The following ZFHX2 variants were observed in gnomAD, a reference collection of about 807,000 sequenced individuals.
ZFHX2 encodes the protein zinc finger homeobox protein 2.
A neutral mutation model predicts 164.8 loss-of-function variants in ZFHX2; 75 were observed. The observed-to-expected ratio is 0.46, with a 90% CI of 0.38 to 0.55. The LOEUF is 0.55. ZFHX2 is among the 20% of genes least tolerant of loss of function. ZFHX2 has a pLI of 0.00. For missense variants in ZFHX2, 2,933 were observed against 3,308.0 expected (o/e 0.89, Z 2.78); for synonymous variants, 1,217 against 1,351.4 (o/e 0.90, Z 2.18).
At position 23,523,537 on chromosome 14, in the gene ZFHX2, G is replaced by A; in HGVS notation, c.6405C>T (p.Gly2135=). ...GGGCTGCTAAGAGGCCCTCACTGCT[G>A]CCCCCAGTGCTCCCAGCGGCTGTCC... The part of the protein sequence containing the change: ...LQGTAAGSTG[G]SSEGLLAAQR... The change falls in exon 9 of 10, where the codon GGC becomes GGT. Residue 2135 remains glycine, a synonymous_variant. Coordinates refer to ENST00000419474, the MANE Select transcript of ZFHX2 (RefSeq NM_033400.3). This position sits in a 1 kb window ranked among gnomAD's most constrained non-coding sequence, Gnocchi z 4.1. 2 of 1,536,636 alleles carry A rather than the reference G, an allele frequency of 1.3e-6. No individual in the cohort carries two copies. The highest frequency in any genetic ancestry group is 1.7e-6 in the Non-Finnish European group (2 of 1,146,924).
chr14:23,530,950 C>T, intron 4 of ZFHX2: 1 of 172,642 alleles, frequency 5.8e-6, no homozygotes, highest in Non-Finnish European at 1.2e-5. Flanking sequence ...CTGGCTGTTC[C>T]CGGCCTCTGC....
Position 23,525,666 on chromosome 14 carries a change from A to G in ZFHX2, c.4276T>C (p.Ser1426Pro). The G allele has an allele frequency of 6.5e-7, 1 of 1,534,838 alleles. No individual in the cohort carries two copies. Residue 1426 changes from serine to proline, a missense_variant, in exon 9 of 10, where the codon TCA becomes CCA. By Grantham distance (74) the Ser-to-Pro change is moderately conservative (BLOSUM62 -1). Coordinates refer to ENST00000419474, the MANE Select transcript of ZFHX2 (RefSeq NM_033400.3). This position sits in a 1 kb window ranked among gnomAD's most constrained non-coding sequence, Gnocchi z 5.9. The part of the protein sequence containing the change: ...AKEGNEAGPS[S>P]PPDPLPNEAA... The stretch of plus-strand genomic sequence containing the variant: ...TCGTTGGGCAATGGGTCGGGGGGTG[A>G]GGAAGGCCCTGCCTCATTACCCTCT...
chr14:23,555,683 TC>T (rs1410201944), upstream of ZFHX2: 3 of 52,644 alleles, frequency 5.7e-5, no homozygotes, highest in African/African-American at 2.1e-4. Context: ...CCCCCTTCCC[TC>T]CCCCCACCCC....
At chr14:23,543,369 T>C (rs1881034163) in intron 1 of ZFHX2, 1 of 152,260 alleles carries the variant, frequency 6.6e-6, no homozygotes, top group African/African-American at 2.4e-5. Flanking sequence ...GGTAGCCTGA[T>C]GTCAGTACCT....
Position 23,551,451 on chromosome 14 carries a change from T to G in ZFHX2, c.-158A>C, listed in dbSNP as rs1450048480. ...GGGACTTCTCCGATGTGTTGATTCC[T>G]CTTTTTTCCCCTCCTCCTCCCTCCC... is the stretch of plus-strand genomic sequence containing the variant. On this transcript the variant is annotated 5_prime_UTR_variant, in exon 1 of 10. Transcript: ENST00000419474. The surrounding 1 kb of genome is among the most constrained non-coding windows in gnomAD (Gnocchi z 5.3). 1 of 152,316 alleles carries G rather than the reference T, an allele frequency of 6.6e-6. No individual in the cohort carries two copies. Among genetic ancestry groups the G allele is most frequent in the Non-Finnish European group, 1.5e-5 (1 of 67,962 alleles). The allele number at this position is 152,316 out of a possible 1,614,324, so 9.4% of individuals were successfully genotyped here.
chr14:23,525,539 G>A lies in ZFHX2; in HGVS notation c.4403C>T (p.Pro1468Leu), dbSNP rs1048828167. 3.2e-5 allele frequency: 49 copies of A among 1,535,496 alleles called. No homozygotes were observed. The highest frequency in any genetic ancestry group is 9.8e-5 in the East Asian group (4 of 40,898). ...GKQAVPPPPT[P>L]PPPEALGGGD... ...ACCCCCGAGGGCCTCAGGTGGGGGT[G>A]GGGTAGGGGGAGGGGGCACAGCTTG... The change falls in exon 9 of 10, where the codon CCA becomes CTA. Residue 1468 changes from proline to leucine, a missense_variant. By Grantham distance (98) the Pro-to-Leu change is moderately conservative (BLOSUM62 -3). Transcript: ENST00000419474. The surrounding 1 kb of genome is among the most constrained non-coding windows in gnomAD (Gnocchi z 5.9).
intron 6 of ZFHX2, 87 bp from the exon 7 acceptor site, chr14:23,527,891 G>T: frequency 1.2e-6 from 1 of 868,314 alleles, no homozygotes; most frequent in South Asian, 1.8e-5. Context: ...GCACTGGCCC[G>T]CCCCCACTCC....
At chr14:23,532,495 T>G in intron 3 of ZFHX2, 72 bp downstream of exon 3, 1 of 1,405,116 alleles carries the variant, frequency 7.1e-7, no homozygotes, top group Non-Finnish European at 9.2e-7. Flanking sequence ...TATCACTTTC[T>G]TATTCTGCAT....
intron 4 of ZFHX2, 177 bp from the exon 5 acceptor site, chr14:23,530,371 G>C: frequency 1.4e-6 from 1 of 701,566 alleles, no homozygotes; most frequent in Non-Finnish European, 2.6e-6. Context: ...GAAGATAGAG[G>C]GAAAATTACA....
chr14:23,529,932 G>T (rs1376271238), intron 5 of ZFHX2, among the ~76,000 whole-genome samples, 164 bp from the exon 6 acceptor site: 1 of 152,150 alleles, frequency 6.6e-6, no homozygotes, highest in Non-Finnish European at 1.5e-5. Context: ...GGATGGTCAG[G>T]TCTGAGTTCT....
intron 1 of ZFHX2, among the ~76,000 whole-genome samples, chr14:23,537,220 G>C (rs1261949342): frequency 2.0e-5 from 3 of 151,700 alleles, no homozygotes; most frequent in Non-Finnish European, 4.4e-5. Flanking sequence ...AAGCGCCAAG[G>C]CTCCCATCCT....
Position 23,533,438 on chromosome 14 carries a change from C to T in ZFHX2, c.1888G>A (p.Glu630Lys). 1 of 1,530,586 alleles carries T rather than the reference C, an allele frequency of 6.5e-7. No individual in the cohort carries two copies. The highest frequency in any genetic ancestry group is 8.7e-7 in the Non-Finnish European group (1 of 1,143,390). 94.8% of individuals were successfully genotyped at this position (1,530,586 alleles called of 1,614,324 possible). A position where few individuals can be genotyped will look rare whatever the true frequency, so the allele number is the denominator to read the frequency against. The change falls in exon 2 of 10, where the codon GAA becomes AAA. Residue 630 changes from glutamate (E) to lysine (K), a missense_variant. By Grantham distance (56) the Glu-to-Lys change is moderately conservative. Transcript: ENST00000419474. This position sits in a 1 kb window ranked among gnomAD's most constrained non-coding sequence, Gnocchi z 4.8. ...TGGGGCCCAAAGTACTGGAAGAGTT[C>T]AGGGGGGCTAGTGGGGGTAGCCCCT... ...PPGATPTSPP[E>K]LFQYFGPQAL...
chr14:23,536,286 G>A (rs990788349), intron 1 of ZFHX2, among the ~76,000 whole-genome samples: 3 of 152,228 alleles, frequency 2.0e-5, no homozygotes, highest in East Asian at 3.8e-4. Context: ...GCCACAGTCA[G>A]TGTCTTTTGA....
rs1471618671 is a variant in ZFHX2 at position 23,526,113 on chromosome 14, G to A, written c.3829C>T (p.Arg1277Trp). ...MRSVLHQTRS[R>W]GTKTDSKIEG... is the part of the protein sequence containing the mutation. ...ATCTTGGAATCAGTCTTGGTTCCCC[G>A]AGAGCGAGTCTGATGCAGAACTGAC... The change falls in exon 9 of 10, where the codon CGG becomes TGG. Residue 1277 changes from arginine (R) to tryptophan (W), a missense_variant. Transcript: ENST00000419474. The A allele has an allele frequency of 9.8e-6, 15 of 1,536,330 alleles. No homozygotes were observed. The highest frequency in any genetic ancestry group is 2.0e-5 in the Admixed American group (1 of 50,978).
At position 23,526,171 on chromosome 14, in the gene ZFHX2, G is replaced by T; in HGVS notation, c.3771C>A (p.Tyr1257Ter). The T allele has an allele frequency of 6.5e-7, 1 of 1,536,564 alleles. No individual in the cohort carries two copies. The highest frequency in any genetic ancestry group is 8.7e-7 in the Non-Finnish European group (1 of 1,146,932). Residue 1257 changes from tyrosine to a stop codon, truncating the protein, a stop_gained, in exon 9 of 10, where the codon TAC becomes TAA. Coordinates refer to ENST00000419474, the MANE Select transcript of ZFHX2 (RefSeq NM_033400.3). LOFTEE classifies it high-confidence loss of function. ...GGATCTCCAGGGTGGAGCTCTGGTT[G>T]TAGGAGACTCTGCAGACTGTGCACT... ...PFKCTVCRVSYNQSSTLEIHM... is the reference protein window; with the variant it reads ...PFKCTVCRVS
rs552019677 is a variant in ZFHX2, at chr14:23,526,978, A to G, written c.3136-5T>C. 16 of 1,503,894 alleles carry G rather than the reference A, an allele frequency of 1.1e-5. No individual in the cohort carries two copies. Among genetic ancestry groups the G allele is most frequent in the Admixed American group, 6.5e-5 (3 of 46,270 alleles). 93.2% of individuals were successfully genotyped at this position (1,503,894 alleles called of 1,614,324 possible). A position where few individuals can be genotyped will look rare whatever the true frequency, so the allele number is the denominator to read the frequency against. ...TGTCATTTCTACAGTTGTAGCCTGC[A>G]ATGAGAAAAAGCCTAGTGGCTTCAC... On this transcript the variant is annotated splice_polypyrimidine_tract_variant and splice_region_variant and intron_variant, in intron 7 of 9. Coordinates refer to ENST00000419474, the MANE Select transcript of ZFHX2 (RefSeq NM_033400.3).
rs1225547520 is a variant in ZFHX2 at position 23,525,060 on chromosome 14, G to A, written c.4882C>T (p.Leu1628Phe). The A allele has an allele frequency of 6.5e-7, 1 of 1,536,170 alleles. No individual in the cohort carries two copies. The highest frequency in any genetic ancestry group is 8.7e-7 in the Non-Finnish European group (1 of 1,146,914). Residue 1628 changes from leucine (L) to phenylalanine (F), a missense_variant, in exon 9 of 10, where the codon CTC becomes TTC. Leu to Phe is a conservative substitution (Grantham distance 22). Transcript: ENST00000419474. The surrounding 1 kb of genome is among the most constrained non-coding windows in gnomAD (Gnocchi z 5.9). ...AYPKDGEVER[L>F]ASLLGLASRV... ...CTAGCCAGACCCAACAGACTTGCGAGTCGCTCCACCTCTCCGTCTTTGGGG... is the reference window on the plus strand; with the variant it reads ...CTAGCCAGACCCAACAGACTTGCGAATCGCTCCACCTCTCCGTCTTTGGGG...
Position 23,534,009 on chromosome 14 carries a change from G to C in ZFHX2, c.1317C>G (p.Ser439Arg). The stretch of plus-strand genomic sequence containing the variant: ...TGCGTGAGTGGAGCAGGGACATGTG[G>C]CTGGACAGGCTGAGGCCCTGGAAGG... ...PAAFQGLSLS[S>R]HMSLLHSRNS... Residue 439 changes from serine to arginine, a missense_variant, in exon 2 of 10, where the codon AGC becomes AGG. Physicochemically the swap from Ser to Arg is moderately radical, Grantham distance 110. Coordinates refer to ENST00000419474, the MANE Select transcript of ZFHX2 (RefSeq NM_033400.3). The surrounding 1 kb of genome is among the most constrained non-coding windows in gnomAD (Gnocchi z 4.5). 6.5e-7 allele frequency: 1 copy of C among 1,537,140 alleles called. No homozygotes were observed. The highest frequency in any genetic ancestry group is 8.7e-7 in the Non-Finnish European group (1 of 1,146,864).
At position 23,526,881 on chromosome 14, in the gene ZFHX2, C is replaced by T; in HGVS notation, c.3228G>A (p.Gly1076=). The T allele has an allele frequency of 6.5e-7, 1 of 1,533,910 alleles. No homozygotes were observed. The highest frequency in any genetic ancestry group is 8.7e-7 in the Non-Finnish European group (1 of 1,145,970). ...GGTCTCTGCTCGGTGTAGGCTCTGG[C>T]CCATGAGTGGGGGGTTCTTGGCCAT... ...LDNGQEPPTH[G]PEPTPSRDQA... is the part of the protein sequence containing the mutation. The change falls in exon 8 of 10, where the codon GGG becomes GGA. Residue 1076 remains glycine (G), a synonymous_variant. Transcript: ENST00000419474.
Sources: allele counts gnomAD v4.1 joint callset (sites outside exome capture counted in the v4.1 genomes callset), GRCh38; gene constraint gnomAD v4.1.1; non-coding constraint Gnocchi (gnomAD v3.1); transcripts MANE v1.5; gene names NCBI Gene and HGNC (gene_info 2026-07-23, HGNC 2026-07-21).